BCAS3: variants seen among roughly 807,000 people sequenced by gnomAD.
BCAS3 encodes the protein BCAS4/BCAS3 fusion.
In BCAS3, 53 loss-of-function variants were observed where a neutral mutation model predicts 116.1. The ratio of observed to expected loss-of-function variants is 0.46; its 90% CI spans 0.37 to 0.57. The LOEUF is 0.57. BCAS3 is among the 20% of genes least tolerant of loss of function. The pLI, the probability that BCAS3 is intolerant of heterozygous loss-of-function variation, is 0.00. For missense variants in BCAS3, 917 were observed against 1,165.4 expected, an observed-to-expected ratio of 0.79 and a Z score of 3.10; for synonymous variants, 391 against 408.2, an observed-to-expected ratio of 0.96 and a Z score of 0.51.
At chr17:60,954,769 T>G (rs777808186) in intron 14 of BCAS3, among the ~76,000 whole-genome samples, 8 of 152,204 alleles carry the variant, frequency 5.3e-5, no homozygotes, top group Non-Finnish European at 1.0e-4. Context: ...ACTTAAAATA[T>G]TTTTACCTTC....
chr17:61,138,330 C>T (rs2076753733), intron 22 of BCAS3, among the ~76,000 whole-genome samples: 1 of 152,150 alleles, frequency 6.6e-6, no homozygotes, highest in Non-Finnish European at 1.5e-5. Context: ...AGTTTATCCC[C>T]AGCAAACATC....
At chr17:61,143,787 C>A (rs541416668) in intron 22 of BCAS3, among the ~76,000 whole-genome samples, 1 of 151,946 alleles carries the variant, frequency 6.6e-6, no homozygotes, top group South Asian at 2.1e-4. Context: ...CTAGCCTGGG[C>A]GACAGAGCAA....
intron 6 of BCAS3, among the ~76,000 whole-genome samples, chr17:60,806,555 CTT>C (rs536450898): frequency 4.9e-5 from 7 of 142,576 alleles, no homozygotes; most frequent in Admixed American, 1.4e-4. Context: ...TCTTCTTAAT[CTT>C]TTTTTTTTTT....
chr17:60,796,848 G>C (rs1178472415), intron 6 of BCAS3, among the ~76,000 whole-genome samples: 1 of 152,126 alleles, frequency 6.6e-6, no homozygotes. Context: ...TAGGCATTTA[G>C]GGCTGTGAAC....
intron 14 of BCAS3, among the ~76,000 whole-genome samples, chr17:60,973,586 A>AAT (rs34671111): frequency 0.099 from 13,582 of 137,842 alleles, 1,434 homozygotes; most frequent in African/African-American, 0.25. Flanking sequence ...CCTTATTATT[A>AAT]ATATATATAT....
In BCAS3 at chr17:61,073,614, C is replaced by G. The variant is rs1418843823; in HGVS notation, c.2030-1306C>G. On this transcript the variant is annotated intron_variant, in intron 19 of 23. Transcript: ENST00000407086. This position sits in a 1 kb window ranked among gnomAD's most constrained non-coding sequence, Gnocchi z 4.6. ...TCTGATTTCATATGTAGGAATCTAA[C>G]TCAAGGAAATTTTTGTATGTTGATG... 1.3e-5 allele frequency among the ~76,000 whole-genome samples: 2 copies of G among 152,104 alleles called. No individual in the cohort carries two copies. The highest frequency in any genetic ancestry group is 4.8e-5 in the African/African-American group (2 of 41,426).
intron 15 of BCAS3, among the ~76,000 whole-genome samples, chr17:60,996,054 G>A (rs1490907975): frequency 6.6e-6 from 1 of 152,190 alleles, no homozygotes; most frequent in Non-Finnish European, 1.5e-5. Context: ...AAAGAGACCA[G>A]TGTGGCTGAA....
At chr17:60,829,100 CTGACATTGCTAG>C (rs1229768324) in intron 7 of BCAS3, among the ~76,000 whole-genome samples, 1 of 141,608 alleles carries the variant, frequency 7.1e-6, no homozygotes, top group Non-Finnish European at 1.5e-5. Context: ...ATGTCTAGAA[CTGACATTGCTAG>C]ACATTTCTTG....
intron 22 of BCAS3, among the ~76,000 whole-genome samples, chr17:61,242,251 G>A (rs1568649940): frequency 6.7e-6 from 1 of 150,044 alleles, no homozygotes; most frequent in Admixed American, 6.7e-5. Flanking sequence ...ACTCCATCCT[G>A]GGCAGCAAAT....
At chr17:61,275,486 G>A (rs1295549274) in intron 22 of BCAS3, among the ~76,000 whole-genome samples, 1 of 151,968 alleles carries the variant, frequency 6.6e-6, no homozygotes, top group Non-Finnish European at 1.5e-5. Context: ...TAGCGGCAGA[G>A]AGAAAGGGCA....
intron 6 of BCAS3, among the ~76,000 whole-genome samples, chr17:60,770,834 G>GTTTTTTTTTTTTTTTTT (rs60854011): frequency 3.9e-5 from 3 of 76,728 alleles, no homozygotes; most frequent in Non-Finnish European, 1.0e-4. Flanking sequence ...ACTGAAATTT[G>GTTTTTTTTTTTTTTTTT]TTTTTTTTTT....
intron 7 of BCAS3, chr17:60,851,411 AG>A: frequency 2.4e-6 from 1 of 411,778 alleles, no homozygotes; most frequent in Non-Finnish European, 4.8e-6. Context: ...GCTCCACCGA[AG>A]GGGCCGCCAA....
chr17:61,017,055 A>G lies in BCAS3; in HGVS notation c.1637+1154A>G, dbSNP rs1011810482. On this transcript the variant is annotated intron_variant, in intron 16 of 23. Transcript: ENST00000407086. The surrounding 1 kb of genome is among the most constrained non-coding windows in gnomAD (Gnocchi z 4.7). Reference sequence around the variant, plus strand: ...AGCAAAACTTCATCCCAAATCAGACATCTTAAGGCACCAATAATTTGGTCT... The same window carrying G: ...AGCAAAACTTCATCCCAAATCAGACGTCTTAAGGCACCAATAATTTGGTCT... The G allele has an allele frequency of 3.9e-5, 6 of 152,216 alleles. No homozygotes were observed. Among genetic ancestry groups the G allele is most frequent in the African/African-American group, 1.4e-4 (6 of 41,454 alleles). The allele number at this position is 152,216 out of a possible 1,614,324, so 9.4% of individuals were successfully genotyped here.
chr17:60,771,948 T>A (rs1415439082), intron 6 of BCAS3, among the ~76,000 whole-genome samples: 1 of 152,200 alleles, frequency 6.6e-6, no homozygotes, highest in East Asian at 1.9e-4. Context: ...CTTAATCCAG[T>A]CTATCATTGA....
In BCAS3 at chr17:61,365,119, C is replaced by T. The variant is rs934415288; in HGVS notation, c.2426-3208C>T. On this transcript the variant is annotated intron_variant, in intron 22 of 23. Transcript: ENST00000407086. This position sits in a 1 kb window ranked among gnomAD's most constrained non-coding sequence, Gnocchi z 4.6. Reference sequence around the variant, plus strand: ...ATTTTTATGGATGAGGAATCAGAGACGCATGCCTGGAATCATACAGCTCAC... The same window carrying T: ...ATTTTTATGGATGAGGAATCAGAGATGCATGCCTGGAATCATACAGCTCAC... Among the ~76,000 whole-genome samples, 4 of 152,176 alleles carry T rather than the reference C, an allele frequency of 2.6e-5. No homozygotes were observed. Among genetic ancestry groups the T allele is most frequent in the Admixed American group, 6.5e-5 (1 of 15,278 alleles).
chr17:60,817,474 TCACATTACA>T (rs1421744819), intron 7 of BCAS3, among the ~76,000 whole-genome samples: 1 of 152,230 alleles, frequency 6.6e-6, no homozygotes, highest in Non-Finnish European at 1.5e-5. Flanking sequence ...TATATTATGA[TCACATTACA>T]CACATTACGT....
chr17:61,389,290 C>T (rs1216973015), intron 23 of BCAS3: 1 of 153,238 alleles, frequency 6.5e-6, no homozygotes, highest in African/African-American at 2.4e-5. Context: ...CTAGAACCAC[C>T]TGGATGGGTC....
intron 22 of BCAS3, among the ~76,000 whole-genome samples, chr17:61,236,984 C>T (rs2056434615): frequency 6.6e-6 from 1 of 152,138 alleles, no homozygotes; most frequent in African/African-American, 2.4e-5. Context: ...CTTAGGATGC[C>T]AGGCCTGAGA....
chr17:60,838,443 G>A (rs1451525524), intron 7 of BCAS3, among the ~76,000 whole-genome samples: 4 of 151,652 alleles, frequency 2.6e-5, no homozygotes, highest in African/African-American at 9.7e-5. Context: ...GGAGTAGTGG[G>A]GATTAGGCTG....
Sources: allele counts gnomAD v4.1 joint callset (sites outside exome capture counted in the v4.1 genomes callset), GRCh38; gene constraint gnomAD v4.1.1; non-coding constraint Gnocchi (gnomAD v3.1); transcripts MANE v1.5; gene names NCBI Gene and HGNC (gene_info 2026-07-23, HGNC 2026-07-21).